The following MBD5 variants were observed in gnomAD, a reference collection of about 807,000 sequenced individuals.
The protein encoded by MBD5 is methyl-CpG-binding domain protein 5.
A neutral mutation model predicts 117.3 loss-of-function variants in MBD5; 13 were observed. The observed-to-expected ratio is 0.11, with a 90% confidence interval of 0.07 to 0.18. The LOEUF (loss-of-function observed/expected upper bound fraction) is 0.18. MBD5 is among the 10% of genes least tolerant of loss of function. The pLI, the probability that MBD5 is intolerant of heterozygous loss-of-function variation, is 1.00. For synonymous variants in MBD5, 727 were observed against 766.4 expected, an observed-to-expected ratio of 0.95 and a Z score of 0.85; for missense variants, 1,879 against 2,093.8, an observed-to-expected ratio of 0.90 and a Z score of 2.00.
At chr2:148,282,864 T>C (rs1701281609) in intron 3 of MBD5, among the ~76,000 whole-genome samples, 1 of 151,384 alleles carries the variant, frequency 6.6e-6, no homozygotes, top group Non-Finnish European at 1.5e-5. Flanking sequence ...CTACTGGATA[T>C]TTTTTCCATA....
At chr2:148,222,946 A>G (rs568259431) in intron 2 of MBD5, among the ~76,000 whole-genome samples, 2 of 152,108 alleles carry the variant, frequency 1.3e-5, no homozygotes, top group African/African-American at 2.4e-5. Flanking sequence ...TGTACATTCT[A>G]TATCCAGTTT....
intron 8 of MBD5, 93 bp downstream of exon 8, chr2:148,470,554 GA>G (rs1680763720): frequency 1.0e-6 from 1 of 986,580 alleles, no homozygotes; most frequent in African/African-American, 1.6e-5. Flanking sequence ...GATAAGAAAT[GA>G]TCCTTTCCCC....
chr2:148,231,090 C>G (rs1318385340), intron 2 of MBD5, among the ~76,000 whole-genome samples: 3 of 152,154 alleles, frequency 2.0e-5, no homozygotes, highest in Non-Finnish European at 4.4e-5. Context: ...CTCCAGTCCA[C>G]TGTCTCTGGC....
chr2:148,411,230 A>G (rs1228268561), intron 4 of MBD5, among the ~76,000 whole-genome samples: 2 of 152,102 alleles, frequency 1.3e-5, no homozygotes, highest in African/African-American at 4.8e-5. Flanking sequence ...TTGTGTATGT[A>G]TACCACATTT....
chr2:148,034,553 C>G (rs897477546), intron 1 of MBD5, among the ~76,000 whole-genome samples: 1 of 152,152 alleles, frequency 6.6e-6, no homozygotes, highest in Non-Finnish European at 1.5e-5. Flanking sequence ...ATAATGGTCA[C>G]TAACATTTAT....
chr2:148,311,077 A>G (rs539282071), intron 3 of MBD5, among the ~76,000 whole-genome samples: 16 of 152,316 alleles, frequency 1.1e-4, no homozygotes, highest in African/African-American at 3.4e-4. Flanking sequence ...TATGTGGTCA[A>G]TTCTAGAATA....
intron 3 of MBD5, among the ~76,000 whole-genome samples, chr2:148,259,395 A>G (rs951156006): frequency 3.3e-5 from 5 of 152,228 alleles, no homozygotes; most frequent in African/African-American, 9.6e-5. Context: ...CTGGGGACCC[A>G]TCTACCTCTG....
At chr2:148,296,965 C>A (rs1701670972) in intron 3 of MBD5, among the ~76,000 whole-genome samples, 1 of 146,764 alleles carries the variant, frequency 6.8e-6, no homozygotes. Flanking sequence ...ACCTCCGCAT[C>A]CCAGGTTCAA....
intron 3 of MBD5, among the ~76,000 whole-genome samples, chr2:148,325,815 T>A (rs998583276): frequency 6.6e-6 from 1 of 152,110 alleles, no homozygotes; most frequent in African/African-American, 2.4e-5. Context: ...TTTTGAACGG[T>A]TTTTTGTGTC....
At chr2:148,083,650 C>T (rs187889533) in intron 1 of MBD5, among the ~76,000 whole-genome samples, 86 of 151,904 alleles carry the variant, frequency 5.7e-4, no homozygotes, top group Non-Finnish European at 9.3e-4. Flanking sequence ...ATTTTTGAGA[C>T]GGAGTCTTGC....
chr2:148,510,615 C>G (rs1395117589), intron 13 of MBD5, among the ~76,000 whole-genome samples: 2 of 152,176 alleles, frequency 1.3e-5, no homozygotes, highest in African/African-American at 2.4e-5. Flanking sequence ...TGCTCCAGTT[C>G]ACATATTGAC....
At chr2:148,297,984 A>C (rs1009259107) in intron 3 of MBD5, among the ~76,000 whole-genome samples, 8 of 152,208 alleles carry the variant, frequency 5.3e-5, no homozygotes, top group African/African-American at 1.7e-4. Context: ...TAAGGTTAGG[A>C]ACAGCAGCCC....
At chr2:148,258,284 A>G (rs904444965) in intron 3 of MBD5, among the ~76,000 whole-genome samples, 1 of 152,188 alleles carries the variant, frequency 6.6e-6, no homozygotes, top group Non-Finnish European at 1.5e-5. Flanking sequence ...CACACACAGT[A>G]TATAAACGGG....
At chr2:148,419,748 G>C (rs1021952150) in intron 4 of MBD5, among the ~76,000 whole-genome samples, 3 of 151,892 alleles carry the variant, frequency 2.0e-5, no homozygotes, top group Admixed American at 6.6e-5. Flanking sequence ...TTTCTCATTG[G>C]TTCTCATAAT....
At chr2:148,082,735 G>GT (rs1277330523) in intron 1 of MBD5, among the ~76,000 whole-genome samples, 3 of 151,724 alleles carry the variant, frequency 2.0e-5, no homozygotes, top group Admixed American at 6.6e-5. Flanking sequence ...CAGAGGAAGG[G>GT]GTTTTTTATT....
At position 148,513,017 on chromosome 2, in the gene MBD5, AGC is replaced by A. The variant is rs1682264627; in HGVS notation, c.*77_*78del. 3.3e-5 allele frequency: 43 copies of A among 1,320,162 alleles called. No individual in the cohort carries two copies. In the South Asian group the frequency reaches 4.9e-4, roughly 15 times the overall value. 81.8% of individuals were successfully genotyped at this position (1,320,162 alleles called of 1,614,324 possible). ...TGTATCTGTATATAGGTATTGATAT[AGC>A]CACAGTTATATCAATATTTAGACTA... On this transcript the variant is annotated 3_prime_UTR_variant, in exon 14 of 14. Coordinates refer to ENST00000642680, the MANE Select transcript of MBD5 (RefSeq NM_001378120.1).
chr2:148,428,897 A>G (rs1242596279), intron 4 of MBD5, among the ~76,000 whole-genome samples: 1 of 152,226 alleles, frequency 6.6e-6, no homozygotes, highest in Admixed American at 6.5e-5. Context: ...AAACGCTAGA[A>G]GAAAACCTGG....
At chr2:148,390,526 T>C (rs576133271) in intron 4 of MBD5, among the ~76,000 whole-genome samples, 4 of 141,210 alleles carry the variant, frequency 2.8e-5, no homozygotes, top group African/African-American at 1.1e-4. Context: ...TATGTGTGTG[T>C]GTGTGTATAT....
intron 1 of MBD5, among the ~76,000 whole-genome samples, chr2:148,031,139 A>C (rs992140309): frequency 6.6e-6 from 1 of 152,162 alleles, no homozygotes; most frequent in Non-Finnish European, 1.5e-5. Context: ...TTATATGTTC[A>C]CTCAAAATAC....
Sources: allele counts gnomAD v4.1 joint callset (sites outside exome capture counted in the v4.1 genomes callset), GRCh38; gene constraint gnomAD v4.1.1; transcripts MANE v1.5; gene names NCBI Gene and HGNC (gene_info 2026-07-23, HGNC 2026-07-21).